PKN2: variants seen among roughly 807,000 people sequenced by gnomAD.
PKN2 encodes protein kinase N2, also known as serine/threonine-protein kinase N2.
A neutral mutation model predicts 119.1 loss-of-function variants in PKN2; 38 were observed. The observed-to-expected ratio is 0.32, with a 90% CI of 0.25 to 0.42. The LOEUF (loss-of-function observed/expected upper bound fraction) is 0.42. Among genes scored for constraint, PKN2 ranks in the 10% least tolerant of loss-of-function variants. PKN2 has a pLI of 1.00. For synonymous variants in PKN2, 390 were observed against 384.9 expected (o/e 1.01, Z -0.15); for missense variants, 850 against 1,165.1 (o/e 0.73, Z 3.94).
intron 8 of PKN2, 36 bp downstream of exon 8, chr1:88,786,249 T>A: frequency 9.7e-7 from 1 of 1,028,172 alleles, no homozygotes; most frequent in South Asian, 1.4e-5. Context: ...ATTTTAATTA[T>A]AATTCATTTT....
chr1:88,829,329 C>CGGGG, intron 19 of PKN2: 5 of 505,852 alleles, frequency 9.9e-6, no homozygotes, highest in South Asian at 2.2e-5. Context: ...GTATTCGCTA[C>CGGGG]ACCAACAGCT....
intron 1 of PKN2, among the ~76,000 whole-genome samples, chr1:88,720,923 C>T (rs980822203): frequency 2.0e-5 from 3 of 152,054 alleles, no homozygotes; most frequent in Non-Finnish European, 4.4e-5. Flanking sequence ...TAGTTGTCTC[C>T]GATTCTATCC....
chr1:88,728,432 T>C (rs1187155362), intron 1 of PKN2, among the ~76,000 whole-genome samples: 1 of 152,218 alleles, frequency 6.6e-6, no homozygotes, highest in African/African-American at 2.4e-5. Flanking sequence ...TTTCATTCTT[T>C]GCTGTTATCA....
intron 1 of PKN2, among the ~76,000 whole-genome samples, chr1:88,739,777 A>T (rs1385602167): frequency 6.6e-6 from 1 of 152,234 alleles, no homozygotes; most frequent in East Asian, 1.9e-4. Flanking sequence ...GTAAATATAG[A>T]TTAGCTGTGC....
At chr1:88,711,278 C>T (rs549167245) in intron 1 of PKN2, among the ~76,000 whole-genome samples, 1 of 151,078 alleles carries the variant, frequency 6.6e-6, no homozygotes, top group East Asian at 1.9e-4. Flanking sequence ...TGCACTTGTA[C>T]CCTTGAATTT....
chr1:88,699,766 TTA>T (rs66880453), intron 1 of PKN2, among the ~76,000 whole-genome samples: 3,926 of 150,266 alleles, frequency 0.026, 183 homozygotes, highest in African/African-American at 0.094. Flanking sequence ...ATTGTTCCTT[TTA>T]TTTTTTTTTT....
At chr1:88,741,813 C>T (rs532207711) in intron 2 of PKN2, among the ~76,000 whole-genome samples, 29 of 152,010 alleles carry the variant, frequency 1.9e-4, no homozygotes, top group African/African-American at 6.5e-4. Flanking sequence ...TTACACATTA[C>T]TTTTATTTTC....
intron 1 of PKN2, among the ~76,000 whole-genome samples, chr1:88,723,111 G>A (rs1484305687): frequency 6.6e-6 from 1 of 150,800 alleles, no homozygotes; most frequent in African/African-American, 2.5e-5. Context: ...TTGAAGCCAG[G>A]TATCTTTTTT....
At chr1:88,796,895 T>C (rs1671091280) in intron 8 of PKN2, among the ~76,000 whole-genome samples, 1 of 151,318 alleles carries the variant, frequency 6.6e-6, no homozygotes, top group Non-Finnish European at 1.5e-5. Context: ...TGAATGAAAA[T>C]AATTAAAACT....
chr1:88,824,622 A>G (rs1672424928), intron 18 of PKN2, among the ~76,000 whole-genome samples: 1 of 152,200 alleles, frequency 6.6e-6, no homozygotes, highest in Non-Finnish European at 1.5e-5. Context: ...TCTCTGTGTG[A>G]TTAATAATTT....
chr1:88,808,076 T>G (rs1217794247), intron 15 of PKN2, among the ~76,000 whole-genome samples: 1 of 152,144 alleles, frequency 6.6e-6, no homozygotes, highest in Non-Finnish European at 1.5e-5. Context: ...GAAACTGTTA[T>G]TCATCTGTGG....
chr1:88,731,082 A>C (rs570786417), intron 1 of PKN2, among the ~76,000 whole-genome samples: 5 of 152,398 alleles, frequency 3.3e-5, no homozygotes, highest in African/African-American at 1.2e-4. Flanking sequence ...ACCAGAAAGA[A>C]AGAAGGATCA....
intron 3 of PKN2, among the ~76,000 whole-genome samples, chr1:88,767,741 G>C (rs1264501413): frequency 6.6e-6 from 1 of 152,080 alleles, no homozygotes; most frequent in South Asian, 2.1e-4. Flanking sequence ...AGAAATAAAA[G>C]AAAAATTTAT....
intron 4 of PKN2, among the ~76,000 whole-genome samples, 175 bp downstream of exon 4, chr1:88,770,644 G>A (rs1368371219): frequency 6.7e-6 from 1 of 148,740 alleles, no homozygotes. Flanking sequence ...GGAGTGCAGT[G>A]GCGGGATCTC....
chr1:88,702,179 G>A (rs929108065), intron 1 of PKN2, among the ~76,000 whole-genome samples: 6 of 152,032 alleles, frequency 3.9e-5, no homozygotes, highest in East Asian at 1.9e-4. Context: ...AGGTGGTCTC[G>A]AACTCTTGAG....
chr1:88,825,205 A>C (rs1206587620), intron 18 of PKN2, among the ~76,000 whole-genome samples: 1 of 152,224 alleles, frequency 6.6e-6, no homozygotes, highest in Non-Finnish European at 1.5e-5. Flanking sequence ...TAATTGCTGA[A>C]TCAAGTAAGT....
chr1:88,805,846 A>C (rs780603106), intron 11 of PKN2, 45 bp from the exon 12 acceptor site: 1 of 1,610,220 alleles, frequency 6.2e-7, no homozygotes, highest in South Asian at 1.1e-5. Context: ...TTTAAAATAC[A>C]GACTTTCTAT....
chr1:88,715,972 C>A (rs980728194), intron 1 of PKN2, among the ~76,000 whole-genome samples: 1 of 152,068 alleles, frequency 6.6e-6, no homozygotes, highest in Non-Finnish European at 1.5e-5. Context: ...TAAATGTGTC[C>A]CAGAGATGCT....
chr1:88,784,585 G>T, intron 6 of PKN2, 54 bp from the exon 7 acceptor site: 6 of 1,097,924 alleles, frequency 5.5e-6, no homozygotes, highest in East Asian at 2.8e-5. Flanking sequence ...TTAGATTAAG[G>T]ATTCCATAGA....
Sources: gnomAD v4.1 joint callset for allele counts (sites outside exome capture counted in the v4.1 genomes callset) on GRCh38, gnomAD v4.1.1 for gene constraint, MANE v1.5 for transcripts, NCBI Gene and HGNC (gene_info 2026-07-23, HGNC 2026-07-21) for gene names.